Variants in RUSC1 observed in about 807,000 individuals in gnomAD.
The protein encoded by RUSC1 is AP-4 complex accessory subunit RUSC1.
RUSC1 carries 40 observed loss-of-function variants against 72.1 expected under a neutral mutation model. The observed-to-expected ratio is 0.55, with a 90% confidence interval of 0.43 to 0.72. RUSC1 has a LOEUF of 0.72. Among genes scored for constraint, RUSC1 ranks in the 30% least tolerant of loss-of-function variants. The probability of loss-of-function intolerance (pLI) is 0.00; values close to 1 mark genes in which losing one functional copy is unlikely to be tolerated. For synonymous variants in RUSC1, 512 were observed against 494.2 expected, an observed-to-expected ratio of 1.04 and a Z score of -0.48; for missense variants, 1,092 against 1,172.3, an observed-to-expected ratio of 0.93 and a Z score of 1.00.
intron 2 of RUSC1, chr1:155,324,278 C>A (rs1306601101): frequency 6.5e-7 from 1 of 1,528,750 alleles, no homozygotes; most frequent in Non-Finnish European, 8.8e-7. Flanking sequence ...CAGTCCCACG[C>A]GGGATGAAGA....
chr1:155,330,318 C>A, intron 9 of RUSC1, 85 bp from the exon 10 acceptor site: 1 of 1,382,724 alleles, frequency 7.2e-7, no homozygotes, highest in Non-Finnish European at 1.0e-6. Context: ...GCCAAACCAA[C>A]AAGGGCACTC....
chr1:155,328,302 AGTGT>A, intron 9 of RUSC1, 27 bp downstream of exon 9: 11 of 1,588,974 alleles, frequency 6.9e-6, no homozygotes, highest in Non-Finnish European at 9.4e-6. Flanking sequence ...AGAATGCACT[AGTGT>A]GTAACCATGT....
At position 155,322,307 on chromosome 1, in the gene RUSC1, GGACTCGAACTGCAACGCCCT is replaced by G; in HGVS notation, c.538_557del (p.Ser180HisfsTer25). On this transcript the variant is annotated frameshift_variant, in exon 2 of 10. Coordinates refer to ENST00000368352, the MANE Select transcript of RUSC1 (RefSeq NM_001105203.2). LOFTEE classifies it high-confidence loss of function. ...CTTCTTCTTCACCCGATCCTGGCCT[GGACTCGAACTGCAACGCCCT>G]GACCACCTGCCAGGACGTCCCTTCC... 2 of 1,611,266 alleles carry G rather than the reference GGACTCGAACTGCAACGCCCT, an allele frequency of 1.2e-6. No individual in the cohort carries two copies. The highest frequency in any genetic ancestry group is 1.7e-6 in the Non-Finnish European group (2 of 1,178,042).
At position 155,322,867 on chromosome 1, in the gene RUSC1, C is replaced by T; in HGVS notation, c.1094C>T (p.Pro365Leu). Residue 365 changes from proline (P) to leucine (L), a missense_variant, in exon 2 of 10, where the codon CCT (proline) becomes CTT (leucine). Pro to Leu is a moderately conservative substitution (Grantham distance 98, BLOSUM62 -3). Coordinates refer to ENST00000368352, the MANE Select transcript of RUSC1 (RefSeq NM_001105203.2). ...TCGCCGGGCGGCTCCTCGGCACCTC[C>T]TCGGGAAGTCACCACCTTCAAGGAA... ...SGSPGGSSAP[P>L]REVTTFKELR... is the part of the protein sequence containing the mutation. 1 of 1,612,962 alleles carries T rather than the reference C, an allele frequency of 6.2e-7. No individual in the cohort carries two copies. Among genetic ancestry groups the T allele is most frequent in the Non-Finnish European group, 8.5e-7 (1 of 1,179,800 alleles).
chr1:155,321,524 C>T (rs1374049465), intron 1 of RUSC1, 164 bp from the exon 2 acceptor site: 2 of 1,426,252 alleles, frequency 1.4e-6, no homozygotes, highest in Non-Finnish European at 1.9e-6. Flanking sequence ...TCTGCAAACA[C>T]TGCAGTGGAA....
chr1:155,324,787 C>A, intron 2 of RUSC1, 58 bp from the exon 3 acceptor site: 1 of 1,611,974 alleles, frequency 6.2e-7, no homozygotes, highest in South Asian at 1.1e-5. Flanking sequence ...TGCGGGAGCC[C>A]GGAGTCCTCG....
intron 2 of RUSC1, chr1:155,324,138 C>A: frequency 7.7e-7 from 1 of 1,300,662 alleles, no homozygotes; most frequent in African/African-American, 1.5e-5. Flanking sequence ...CTTTGGGTCA[C>A]ACCCTCTGTG....
intron 1 of RUSC1, 121 bp downstream of exon 1, chr1:155,321,112 G>A (rs778996504): frequency 7.2e-7 from 1 of 1,387,284 alleles, no homozygotes; most frequent in East Asian, 4.3e-5. Context: ...CGATGGAGAC[G>A]AATGCGGAGA....
chr1:155,324,812 A>G (rs1328545370), intron 2 of RUSC1, 33 bp from the exon 3 acceptor site: 2 of 1,614,076 alleles, frequency 1.2e-6, no homozygotes, highest in Admixed American at 1.7e-5. Context: ...AACACTTGGT[A>G]AGTGTTACCG....
intron 8 of RUSC1, 103 bp from the exon 9 acceptor site, chr1:155,328,047 T>G: frequency 6.8e-7 from 1 of 1,461,090 alleles, no homozygotes; most frequent in South Asian, 1.4e-5. Context: ...TGACCTCTTT[T>G]GAACCACAAT....
At position 155,326,068 on chromosome 1, in the gene RUSC1, C is replaced by T; in HGVS notation, c.1861+158C>T. 1.3e-6 allele frequency: 1 copy of T among 794,672 alleles called. No homozygotes were observed. The highest frequency in any genetic ancestry group is 2.0e-6 in the Non-Finnish European group (1 of 491,308). The allele number at this position is 794,672 out of a possible 1,614,324, so 49.2% of individuals were successfully genotyped here. ...TAAAACTTTCTAAGGAGGCCCATCGCCCATAGGATGAAAGACCCAAAGCCT... is the reference window on the plus strand; with the variant it reads ...TAAAACTTTCTAAGGAGGCCCATCGTCCATAGGATGAAAGACCCAAAGCCT... On this transcript the variant is annotated intron_variant, in intron 7 of 9. Coordinates refer to ENST00000368352, the MANE Select transcript of RUSC1 (RefSeq NM_001105203.2). The surrounding 1 kb of genome is among the most constrained non-coding windows in gnomAD (Gnocchi z 4.7).
In RUSC1 at chr1:155,330,570, A is replaced by G. The variant is rs756610061; in HGVS notation, c.2708A>G (p.Ter903TrpextTer21). Residue 903 changes from the stop codon to tryptophan, a stop_lost, in exon 10 of 10, where the codon TAG (stop) becomes TGG (tryptophan). Transcript: ENST00000368352. ...VPVGYTSLVL* is the reference protein window; with the variant it reads ...VPVGYTSLVLW ...GTGGGGTATACCTCCCTTGTTCTGT[A>G]GCCCTGGGACCCTTTCCTGCGTATG... is the stretch of plus-strand genomic sequence containing the variant. 1 of 1,587,206 alleles carries G rather than the reference A, an allele frequency of 6.3e-7. No individual in the cohort carries two copies. The highest frequency in any genetic ancestry group is 8.6e-7 in the Non-Finnish European group (1 of 1,165,242).
Position 155,325,045 on chromosome 1 carries a change from G to A in RUSC1, c.1457-57G>A. 10 of 1,614,080 alleles carry A rather than the reference G, an allele frequency of 6.2e-6. No homozygotes were observed. The highest frequency in any genetic ancestry group is 8.5e-6 in the Non-Finnish European group (10 of 1,179,958). Reference sequence around the variant, plus strand: ...GAAGGCAGTCTCTCCACGCCCCTCGGGCAAGCCTGGGTAGGGGCGCGGCCT... The same window carrying A: ...GAAGGCAGTCTCTCCACGCCCCTCGAGCAAGCCTGGGTAGGGGCGCGGCCT... On this transcript the variant is annotated intron_variant, in intron 3 of 9. Coordinates refer to ENST00000368352, the MANE Select transcript of RUSC1 (RefSeq NM_001105203.2). This position sits in a 1 kb window ranked among gnomAD's most constrained non-coding sequence, Gnocchi z 6.5.
In RUSC1 at chr1:155,324,375, C is replaced by G. The variant is rs759136642; in HGVS notation, c.1358-470C>G. ...CCTCCCAATCCTCGGGTCTCGCCTC[C>G]CTCCGTCTCCTCCCTTTCCCCTGTC... On this transcript the variant is annotated intron_variant, in intron 2 of 9. Transcript: ENST00000368352. The G allele has an allele frequency of 9.9e-6, 16 of 1,611,392 alleles. No individual in the cohort carries two copies. In the African/African-American group the frequency reaches 2.1e-4, roughly 22 times the overall value.
intron 2 of RUSC1, chr1:155,324,300 G>A (rs1182326795): frequency 4.5e-6 from 7 of 1,561,588 alleles, no homozygotes; most frequent in African/African-American, 2.7e-5. Context: ...GGCACCCTCC[G>A]CCAAGAGGCT....
In RUSC1 at chr1:155,322,525, A is replaced by T; in HGVS notation, c.752A>T (p.Asn251Ile). Residue 251 changes from asparagine (N) to isoleucine (I), a missense_variant, in exon 2 of 10, where the codon AAC becomes ATC. Transcript: ENST00000368352. ...KTKAEWKTTE[N>I]NNTGWKNNGN... ...AAAGCTGAATGGAAAACCACTGAAAACAATAACACTGGTTGGAAAAACAAC... is the reference window on the plus strand; with the variant it reads ...AAAGCTGAATGGAAAACCACTGAAATCAATAACACTGGTTGGAAAAACAAC... 1 of 1,613,438 alleles carries T rather than the reference A, an allele frequency of 6.2e-7. No homozygotes were observed.
In RUSC1 at chr1:155,326,022, C is replaced by T. The variant is rs188363782; in HGVS notation, c.1861+112C>T. 23 of 1,141,194 alleles carry T rather than the reference C, an allele frequency of 2.0e-5. No homozygotes were observed. Among genetic ancestry groups the T allele is most frequent in the Non-Finnish European group, 2.4e-5 (18 of 756,044 alleles). 70.7% of individuals were successfully genotyped at this position (1,141,194 alleles called of 1,614,324 possible). A position where few individuals can be genotyped will look rare whatever the true frequency, so the allele number is the denominator to read the frequency against. On this transcript the variant is annotated intron_variant, in intron 7 of 9. Coordinates refer to ENST00000368352, the MANE Select transcript of RUSC1 (RefSeq NM_001105203.2). This position sits in a 1 kb window ranked among gnomAD's most constrained non-coding sequence, Gnocchi z 4.7. Reference sequence around the variant, plus strand: ...CCAGAATGCCATTAATCCAGATCTCCGATCTTATTACTCTTCTAATTAAAA... The same window carrying T: ...CCAGAATGCCATTAATCCAGATCTCTGATCTTATTACTCTTCTAATTAAAA...
intron 8 of RUSC1, 94 bp from the exon 9 acceptor site, chr1:155,328,056 A>C: frequency 1.3e-6 from 2 of 1,495,346 alleles, no homozygotes; most frequent in Non-Finnish European, 1.8e-6. Context: ...TTGAACCACA[A>C]TTAGGCCCCT....
At position 155,327,109 on chromosome 1, in the gene RUSC1, T is replaced by G. The variant is rs772031212; in HGVS notation, c.2391T>G (p.Asn797Lys). ...LFGVPGGPAE[N>K]ENGALKSRRP... Reference sequence around the variant, plus strand: ...GAGTGCCTGGGGGCCCCGCAGAAAATGAGAATGGAGCCCTAAAGTCCAGGT... The same window carrying G: ...GAGTGCCTGGGGGCCCCGCAGAAAAGGAGAATGGAGCCCTAAAGTCCAGGT... The change falls in exon 8 of 10, where the codon AAT (asparagine) becomes AAG (lysine). Residue 797 changes from asparagine to lysine, a missense_variant. Transcript: ENST00000368352. 127 of 1,606,336 alleles carry G rather than the reference T, an allele frequency of 7.9e-5. No homozygotes were observed. Among genetic ancestry groups the G allele is most frequent in the Non-Finnish European group, 1.1e-4 (125 of 1,174,944 alleles).
Sources: allele counts gnomAD v4.1 joint callset, GRCh38; gene constraint gnomAD v4.1.1; non-coding constraint Gnocchi (gnomAD v3.1); transcripts MANE v1.5; gene names NCBI Gene and HGNC (gene_info 2026-07-23, HGNC 2026-07-21).